The following PDE7A variants were observed in gnomAD, a reference collection of about 807,000 sequenced individuals.
PDE7A encodes phosphodiesterase 7A.
PDE7A carries 39 observed loss-of-function variants against 64.3 expected under a neutral mutation model. That is an observed-to-expected ratio of 0.61 (90% CI 0.47 to 0.79). The LOEUF (loss-of-function observed/expected upper bound fraction) is 0.79, where lower values mean the gene tolerates loss of function less well. Among genes scored for constraint, PDE7A ranks in the 30% least tolerant of loss-of-function variants. The pLI is 0.00. For synonymous variants in PDE7A, 203 were observed against 206.8 expected (o/e 0.98, Z 0.16); for missense variants, 470 against 582.8 (o/e 0.81, Z 1.99).
chr8:65,841,559 G>C lies in PDE7A; in HGVS notation c.-51C>G. On this transcript the variant is annotated 5_prime_UTR_variant, in exon 1 of 13. Coordinates refer to ENST00000401827, the MANE Select transcript of PDE7A (RefSeq NM_001242318.3). ...CGGCGCCCGCCCTGCCGCGGCCGCC[G>C]GCCCCTGCAGTGGGAGGGGGCCGCG... 7.9e-7 allele frequency: 1 copy of C among 1,263,242 alleles called. No homozygotes were observed. Among genetic ancestry groups the C allele is most frequent in the Non-Finnish European group, 1.0e-6 (1 of 979,750 alleles). 78.3% of individuals were successfully genotyped at this position (1,263,242 alleles called of 1,614,324 possible). A position where few individuals can be genotyped will look rare whatever the true frequency, so the allele number is the denominator to read the frequency against.
intron 1 of PDE7A, among the ~76,000 whole-genome samples, chr8:65,834,334 T>C (rs138850592): frequency 1.7e-3 from 254 of 152,342 alleles, no homozygotes; most frequent in African/African-American, 5.9e-3. Context: ...TAAGACAGAA[T>C]ATAATACATA....
chr8:65,802,266 C>T (rs1383282825), intron 1 of PDE7A, among the ~76,000 whole-genome samples: 5 of 152,156 alleles, frequency 3.3e-5, no homozygotes, highest in Non-Finnish European at 2.9e-5. Flanking sequence ...GTGATCACTG[C>T]ACAACACTGT....
intron 2 of PDE7A, among the ~76,000 whole-genome samples, chr8:65,780,385 A>G (rs1809380339): frequency 6.6e-6 from 1 of 152,224 alleles, no homozygotes; most frequent in African/African-American, 2.4e-5. Flanking sequence ...CAATCTGATT[A>G]ATCACTCTTT....
intron 1 of PDE7A, among the ~76,000 whole-genome samples, chr8:65,810,347 TG>T (rs1458554358): frequency 1.1e-5 from 1 of 94,154 alleles, no homozygotes; most frequent in Non-Finnish European, 2.3e-5. Flanking sequence ...GGGCCTGTCA[TG>T]GGGTGGGGGG....
At chr8:65,765,255 C>G (rs923479957) in intron 3 of PDE7A, among the ~76,000 whole-genome samples, 1 of 151,552 alleles carries the variant, frequency 6.6e-6, no homozygotes, top group Non-Finnish European at 1.5e-5. Context: ...TTTGGGAGGC[C>G]GAGGCGGGCG....
intron 1 of PDE7A, among the ~76,000 whole-genome samples, chr8:65,829,274 G>C (rs1446520348): frequency 6.6e-6 from 1 of 152,068 alleles, no homozygotes; most frequent in African/African-American, 2.4e-5. Flanking sequence ...AAAAGGTTAA[G>C]TTGCACATAA....
At chr8:65,721,351 A>G (rs1328101377) in intron 12 of PDE7A, among the ~76,000 whole-genome samples, 3 of 152,180 alleles carry the variant, frequency 2.0e-5, no homozygotes, top group South Asian at 2.1e-4. Context: ...TACTGCCCCT[A>G]TGTTGGGGAG....
At chr8:65,818,055 T>A (rs529133106) in intron 1 of PDE7A, among the ~76,000 whole-genome samples, 15 of 152,244 alleles carry the variant, frequency 9.9e-5, no homozygotes, top group Admixed American at 3.3e-4. Flanking sequence ...CCCAGCCAGC[T>A]TTTTTGTTAT....
At chr8:65,736,743 C>T (rs1452943389) in intron 6 of PDE7A, among the ~76,000 whole-genome samples, 1 of 149,962 alleles carries the variant, frequency 6.7e-6, no homozygotes, top group African/African-American at 2.5e-5. Context: ...GAGCAAGACT[C>T]TCCAAAAGAA....
At chr8:65,806,654 G>T (rs1041843454) in intron 1 of PDE7A, among the ~76,000 whole-genome samples, 2 of 152,224 alleles carry the variant, frequency 1.3e-5, no homozygotes, top group African/African-American at 2.4e-5. Context: ...CTCTGTGCAT[G>T]TAAGTGAATG....
chr8:65,751,955 G>A (rs924015818), intron 3 of PDE7A, among the ~76,000 whole-genome samples: 3 of 152,034 alleles, frequency 2.0e-5, no homozygotes, highest in Non-Finnish European at 2.9e-5. Context: ...TCTTTTATAA[G>A]GCTGTAAAGT....
chr8:65,755,200 T>C (rs1808168148), intron 3 of PDE7A, among the ~76,000 whole-genome samples: 1 of 151,730 alleles, frequency 6.6e-6, no homozygotes, highest in Non-Finnish European at 1.5e-5. Context: ...TTTATATCTT[T>C]AGTAGAGATG....
At chr8:65,736,134 C>T (rs191695087) in intron 6 of PDE7A, among the ~76,000 whole-genome samples, 51 of 152,146 alleles carry the variant, frequency 3.4e-4, no homozygotes, top group African/African-American at 1.2e-3. Flanking sequence ...TAAAATAGAA[C>T]GATTATAACA....
At chr8:65,719,754 T>C (rs947715781) in intron 12 of PDE7A, 7 of 456,906 alleles carry the variant, frequency 1.5e-5, no homozygotes, top group Non-Finnish European at 2.8e-5. Context: ...TGGTTATCCT[T>C]CTCAGTGGCA....
At position 65,726,980 on chromosome 8, in the gene PDE7A, C is replaced by G; in HGVS notation, c.829-14G>C. The G allele has an allele frequency of 6.9e-7, 1 of 1,439,272 alleles. No individual in the cohort carries two copies. The highest frequency in any genetic ancestry group is 9.8e-7 in the Non-Finnish European group (1 of 1,022,952). 89.2% of individuals were successfully genotyped at this position (1,439,272 alleles called of 1,614,324 possible). A position where few individuals can be genotyped will look rare whatever the true frequency, so the allele number is the denominator to read the frequency against. ...TACTGAGGTATTCTACAACAAAGGA[C>G]GTTTCTGAGTTACTTAATGATACGT... On this transcript the variant is annotated splice_polypyrimidine_tract_variant and intron_variant, in intron 8 of 12. Transcript: ENST00000401827.
At position 65,775,839 on chromosome 8, in the gene PDE7A, G is replaced by A. The variant is rs190758349; in HGVS notation, c.283+3881C>T. ...AGATGGAGTTTCACCATGTTGGCCA[G>A]GCTGGTCTTAAACTCCTGACCTCAG... On this transcript the variant is annotated intron_variant, in intron 3 of 12. Coordinates refer to ENST00000401827, the MANE Select transcript of PDE7A (RefSeq NM_001242318.3). 7.1e-4 allele frequency among the ~76,000 whole-genome samples: 108 copies of A among 152,294 alleles called. 2 individuals are homozygous for A. In the East Asian group the frequency reaches 0.019, roughly 26 times the overall value.
At position 65,717,765 on chromosome 8, in the gene PDE7A, T is replaced by C. The variant is rs1806199030; in HGVS notation, c.*1525A>G. Reference sequence around the variant, plus strand: ...TGAGTATGGCAAAGCCTTTTACAAATGGCTTTACACTCAAGCTTTCTCCCA... The same window carrying C: ...TGAGTATGGCAAAGCCTTTTACAAACGGCTTTACACTCAAGCTTTCTCCCA... On this transcript the variant is annotated 3_prime_UTR_variant, in exon 13 of 13. Coordinates refer to ENST00000401827, the MANE Select transcript of PDE7A (RefSeq NM_001242318.3). The C allele has an allele frequency of 6.6e-6, 1 of 152,234 alleles. No individual in the cohort carries two copies. Among genetic ancestry groups the C allele is most frequent in the Non-Finnish European group, 1.5e-5 (1 of 68,034 alleles). The allele number at this position is 152,234 out of a possible 1,614,324, so 9.4% of individuals were successfully genotyped here.
chr8:65,740,935 G>A lies in PDE7A; in HGVS notation c.500-1338C>T, dbSNP rs141255252. Among the ~76,000 whole-genome samples the A allele has an allele frequency of 3.4e-3, 523 of 152,224 alleles. 2 individuals are homozygous for A. Among genetic ancestry groups the A allele is most frequent in the African/African-American group, 0.012 (478 of 41,530 alleles). ...ACCTGCTCCATCCCCCTACAGAGCC[G>A]AGTTTTTGGAAAGAGCTGCTACACG... On this transcript the variant is annotated intron_variant, in intron 5 of 12. Transcript: ENST00000401827.
intron 3 of PDE7A, among the ~76,000 whole-genome samples, chr8:65,775,538 A>C (rs1429375222): frequency 6.6e-6 from 1 of 152,208 alleles, no homozygotes; most frequent in Admixed American, 6.5e-5. Context: ...AATTTGAAAA[A>C]TTTCCAGGTG....
Sources: gnomAD v4.1 joint callset for allele counts (sites outside exome capture counted in the v4.1 genomes callset) on GRCh38, gnomAD v4.1.1 for gene constraint, MANE v1.5 for transcripts, NCBI Gene and HGNC (gene_info 2026-07-23, HGNC 2026-07-21) for gene names.